VAV2: variants seen among roughly 807,000 people sequenced by gnomAD.
The protein encoded by VAV2 is vav guanine nucleotide exchange factor 2.
Under a neutral mutation model 132.5 loss-of-function variants are expected in VAV2, and 67 were observed. The ratio of observed to expected loss-of-function variants is 0.51; its 90% CI spans 0.42 to 0.62. The LOEUF is 0.62. Among genes scored for constraint, VAV2 ranks in the 20% least tolerant of loss-of-function variants. VAV2 has a pLI of 0.00. For missense variants in VAV2, 938 were observed against 1,153.6 expected (o/e 0.81, Z 2.71); for synonymous variants, 492 against 443.5 (o/e 1.11, Z -1.37).
intron 2 of VAV2, among the ~76,000 whole-genome samples, chr9:133,878,204 G>A (rs10116143): frequency 0.077 from 11,653 of 152,238 alleles, 1,030 homozygotes; most frequent in African/African-American, 0.22. Flanking sequence ...CACCTCTGCT[G>A]ACATGTGGCA....
chr9:133,921,227 G>C (rs887032315), intron 2 of VAV2, among the ~76,000 whole-genome samples: 2 of 152,218 alleles, frequency 1.3e-5, no homozygotes, highest in Admixed American at 6.5e-5. Flanking sequence ...GCGTGCCGGA[G>C]TGTGGGCTCT....
intron 2 of VAV2, among the ~76,000 whole-genome samples, chr9:133,933,437 G>GTGGATGGATGGA (rs1313141430): frequency 9.8e-4 from 149 of 151,812 alleles, no homozygotes; most frequent in African/African-American, 3.6e-3. Context: ...TGGATGAATG[G>GTGGATGGATGGA]TGGATGGATG....
chr9:133,807,337 G>A lies in VAV2; in HGVS notation c.667-11C>T, dbSNP rs929137876. The A allele has an allele frequency of 8.1e-6, 13 of 1,604,566 alleles. No homozygotes were observed. The highest frequency in any genetic ancestry group is 1.1e-5 in the Non-Finnish European group (13 of 1,176,124). On this transcript the variant is annotated splice_polypyrimidine_tract_variant and intron_variant, in intron 7 of 29. Transcript: ENST00000371850. ...GGGGCTCATGTAGTTCTGGAAGAGA[G>A]AAGTCCACCTCTGCCACCCTGCTGC...
At position 133,809,147 on chromosome 9, in the gene VAV2, G is replaced by C; in HGVS notation, c.568-9C>G. 6.2e-7 allele frequency: 1 copy of C among 1,613,222 alleles called. No individual in the cohort carries two copies. Among genetic ancestry groups the C allele is most frequent in the Non-Finnish European group, 8.5e-7 (1 of 1,179,550 alleles). ...TCAGTCATGCCCATTTTCTAGAGGA[G>C]GGAAGGGGGAGTCAGCAGGACCCCA... On this transcript the variant is annotated splice_polypyrimidine_tract_variant and intron_variant, in intron 6 of 29. Transcript: ENST00000371850.
chr9:133,788,246 C>CCCAA lies in VAV2; in HGVS notation c.1407+107_1407+108insTTGG. On this transcript the variant is annotated intron_variant, in intron 15 of 29. Coordinates refer to ENST00000371850, the MANE Select transcript of VAV2 (RefSeq NM_001134398.2). This position sits in a 1 kb window ranked among gnomAD's most constrained non-coding sequence, Gnocchi z 5.3. The stretch of plus-strand genomic sequence containing the variant: ...CGCCCACCCCAACCCACCCGGCCAG[C>CCCAA]ATCAGCGGCTGACTTCGAGTCCCCT... 3 of 1,315,190 alleles carry CCCAA rather than the reference C, an allele frequency of 2.3e-6. No homozygotes were observed. Among genetic ancestry groups the CCCAA allele is most frequent in the Non-Finnish European group, 3.1e-6 (3 of 953,276 alleles). The allele number at this position is 1,315,190 out of a possible 1,614,324, so 81.5% of individuals were successfully genotyped here.
At chr9:133,814,498 G>A (rs187756085) in intron 4 of VAV2, among the ~76,000 whole-genome samples, 6 of 152,380 alleles carry the variant, frequency 3.9e-5, no homozygotes, top group East Asian at 1.9e-4. Flanking sequence ...GAGACAACTC[G>A]AGGGCAGATG....
chr9:133,968,856 G>T (rs1842233539), intron 1 of VAV2, among the ~76,000 whole-genome samples: 1 of 152,158 alleles, frequency 6.6e-6, no homozygotes, highest in Admixed American at 6.5e-5. Context: ...GCTCGCGACA[G>T]CACAGCCACC....
intron 9 of VAV2, 117 bp from the exon 10 acceptor site, chr9:133,797,926 CCT>C: frequency 1.2e-6 from 1 of 807,348 alleles, no homozygotes; most frequent in East Asian, 2.9e-5. Context: ...AGGCCCCTCC[CCT>C]GACAGCTCCC....
chr9:133,906,239 G>T (rs182362798), intron 2 of VAV2, among the ~76,000 whole-genome samples: 53 of 152,262 alleles, frequency 3.5e-4, no homozygotes, highest in Admixed American at 1.7e-3. Context: ...TGCACTATCT[G>T]CCAGGGTCAA....
rs1205051580 is a variant in VAV2 at position 133,797,574 on chromosome 9, A to G, written c.936+136T>C. The G allele has an allele frequency of 1.7e-5, 13 of 786,574 alleles. No individual in the cohort carries two copies. In the Admixed American group the frequency reaches 2.0e-4, roughly 12 times the overall value. The allele number at this position is 786,574 out of a possible 1,614,324, so 48.7% of individuals were successfully genotyped here. A position where few individuals can be genotyped will look rare whatever the true frequency, so the allele number is the denominator to read the frequency against. On this transcript the variant is annotated intron_variant, in intron 10 of 29. Coordinates refer to ENST00000371850, the MANE Select transcript of VAV2 (RefSeq NM_001134398.2). Reference sequence around the variant, plus strand: ...CACAATGCAAAAAAGAAAAATCTACAAAAAACCATTACGTCATCACCCCCA... The same window carrying G: ...CACAATGCAAAAAAGAAAAATCTACGAAAAACCATTACGTCATCACCCCCA...
intron 2 of VAV2, among the ~76,000 whole-genome samples, chr9:133,938,009 G>A (rs1316339516): frequency 2.0e-5 from 3 of 152,226 alleles, no homozygotes; most frequent in African/African-American, 7.2e-5. Context: ...GTCCTGACCT[G>A]AGGCCGTGCA....
chr9:133,814,906 C>T, intron 4 of VAV2, among the ~76,000 whole-genome samples: 1 of 152,202 alleles, frequency 6.6e-6, no homozygotes, highest in East Asian at 1.9e-4. Context: ...ACACATCCTT[C>T]ACTCGTGCCT....
intron 2 of VAV2, among the ~76,000 whole-genome samples, chr9:133,920,147 AG>A (rs1273405060): frequency 6.6e-6 from 1 of 152,022 alleles, no homozygotes; most frequent in East Asian, 1.9e-4. Flanking sequence ...ACAGCTCAGC[AG>A]GTAGAGGGAT....
intron 1 of VAV2, among the ~76,000 whole-genome samples, chr9:133,963,046 G>T (rs1461744430): frequency 1.3e-5 from 2 of 151,970 alleles, no homozygotes; most frequent in Non-Finnish European, 2.9e-5. Flanking sequence ...CTTTTATTTT[G>T]GACTGATTAT....
intron 2 of VAV2, among the ~76,000 whole-genome samples, chr9:133,915,301 TAC>T: frequency 6.6e-6 from 1 of 152,186 alleles, no homozygotes; most frequent in Non-Finnish European, 1.5e-5. Context: ...GTTTCACGAC[TAC>T]ACTTTTTGAA....
At chr9:133,979,508 AGCC>A (rs1842626072) in intron 1 of VAV2, among the ~76,000 whole-genome samples, 1 of 152,170 alleles carries the variant, frequency 6.6e-6, no homozygotes, top group Admixed American at 6.5e-5. Flanking sequence ...CGGACGCCGC[AGCC>A]GTCCGGAACT....
chr9:133,933,878 GATGAATGA>G, intron 2 of VAV2, among the ~76,000 whole-genome samples: 1 of 132,746 alleles, frequency 7.5e-6, no homozygotes, highest in East Asian at 2.8e-4. Flanking sequence ...TGGATGGATG[GATGAATGA>G]TGGATGGATG....
intron 1 of VAV2, among the ~76,000 whole-genome samples, chr9:133,954,355 C>T (rs562355013): frequency 6.6e-6 from 1 of 152,222 alleles, no homozygotes; most frequent in East Asian, 1.9e-4. Context: ...CACCATGGGG[C>T]GGCAAGGCAC....
At chr9:133,910,290 A>G (rs1339059828) in intron 2 of VAV2, among the ~76,000 whole-genome samples, 2 of 152,168 alleles carry the variant, frequency 1.3e-5, no homozygotes, top group Non-Finnish European at 2.9e-5. Flanking sequence ...TCCAAGACGA[A>G]CAAACCCTGG....
Sources: gnomAD v4.1 joint callset for allele counts (sites outside exome capture counted in the v4.1 genomes callset) on GRCh38, gnomAD v4.1.1 for gene constraint, Gnocchi (gnomAD v3.1) non-coding constraint, MANE v1.5 for transcripts, NCBI Gene and HGNC (gene_info 2026-07-23, HGNC 2026-07-21) for gene names.